The following PKHD1 variants were observed in gnomAD, a reference collection of about 807,000 sequenced individuals.
PKHD1 encodes the protein PKHD1 ciliary IPT domain containing fibrocystin/polyductin, also known as fibrocystin.
PKHD1 carries 291 observed loss-of-function variants against 412.0 expected under a neutral mutation model. That is an observed-to-expected ratio of 0.71 (90% CI 0.64 to 0.78). The LOEUF (loss-of-function observed/expected upper bound fraction) is 0.78. Among genes scored for constraint, PKHD1 ranks in the 30% least tolerant of loss-of-function variants. The pLI, the probability that PKHD1 is intolerant of heterozygous loss-of-function variation, is 0.00. For synonymous variants in PKHD1, 1,777 were observed against 1,821.5 expected, an observed-to-expected ratio of 0.98 and a Z score of 0.62; for missense variants, 4,825 against 4,950.7, an observed-to-expected ratio of 0.97 and a Z score of 0.76.
Position 52,025,112 on chromosome 6 carries a change from G to T in PKHD1, c.4698C>A (p.Ser1566=). The T allele has an allele frequency of 2.5e-6, 4 of 1,614,156 alleles. No homozygotes were observed. The highest frequency in any genetic ancestry group is 3.4e-6 in the Non-Finnish European group (4 of 1,180,010). Residue 1566 remains serine, a synonymous_variant, in exon 32 of 67, where the codon TCC becomes TCA. Coordinates refer to ENST00000371117, the MANE Select transcript of PKHD1 (RefSeq NM_138694.4). The part of the protein sequence containing the change: ...RNGYACSGNV[S]RHFYIMPQVF... Reference sequence around the variant, plus strand: ...CTTGGGGCATAATGTAGAAGTGTCTGGAAACATTACCAGAACAAGCATACC... The same window carrying T: ...CTTGGGGCATAATGTAGAAGTGTCTTGAAACATTACCAGAACAAGCATACC...
rs192922840 is a variant in PKHD1 at position 51,932,780 on chromosome 6, G to A, written c.6121+1330C>T. Among the ~76,000 whole-genome samples the A allele has an allele frequency of 1.3e-3, 198 of 152,282 alleles. 2 individuals are homozygous for A. The highest frequency in any genetic ancestry group is 4.6e-3 in the African/African-American group (190 of 41,558). On this transcript the variant is annotated intron_variant, in intron 37 of 66. Transcript: ENST00000371117. ...CACAAAATTTGATCCCCAGTGTCTA[G>A]CACACTGGGTAGCCCACAGTCAACA...
intron 49 of PKHD1, among the ~76,000 whole-genome samples, chr6:51,849,539 C>A (rs752245118): frequency 3.3e-5 from 5 of 152,196 alleles, no homozygotes; most frequent in Non-Finnish European, 5.9e-5. Context: ...TGTTTCTCCA[C>A]AGCCTCACCA....
chr6:51,895,899 G>C lies in PKHD1; in HGVS notation c.6996+7698C>G, dbSNP rs377018815. 3.9e-5 allele frequency among the ~76,000 whole-genome samples: 6 copies of C among 152,214 alleles called. No individual in the cohort carries two copies. In the South Asian group the frequency reaches 6.2e-4, roughly 16 times the overall value. ...AGTTCCCTTTCCTAGTCAAACAAAG[G>C]GGTGATGGACGGCACCTGGAAAATC... On this transcript the variant is annotated intron_variant, in intron 43 of 66. Transcript: ENST00000371117.
chr6:51,636,115 T>C (rs1019682166), intron 64 of PKHD1, among the ~76,000 whole-genome samples: 5 of 152,204 alleles, frequency 3.3e-5, no homozygotes, highest in South Asian at 2.1e-4. Flanking sequence ...CTGGATTTGA[T>C]AATATGTCAG....
intron 27 of PKHD1, among the ~76,000 whole-genome samples, chr6:52,037,352 G>A (rs1477018161): frequency 6.6e-6 from 1 of 151,822 alleles, no homozygotes; most frequent in Non-Finnish European, 1.5e-5. Context: ...TAGAAGTCCT[G>A]AAGCCATAAA....
chr6:51,616,569 G>A lies in PKHD1; in HGVS notation c.*2512C>T, dbSNP rs1766087439. The A allele has an allele frequency of 2.5e-6, 1 of 393,854 alleles. No homozygotes were observed. Among genetic ancestry groups the A allele is most frequent in the Non-Finnish European group, 4.5e-6 (1 of 223,850 alleles). The allele number at this position is 393,854 out of a possible 1,614,324, so 24.4% of individuals were successfully genotyped here. ...GGAGAAAGAGGAGTAGCTTAACTAT[G>A]GGTTGAGGAATTTTAGCTAGATGCC... On this transcript the variant is annotated 3_prime_UTR_variant, in exon 67 of 67. Transcript: ENST00000371117.
chr6:52,009,291 C>T (rs1258008535), intron 35 of PKHD1, among the ~76,000 whole-genome samples: 1 of 151,976 alleles, frequency 6.6e-6, no homozygotes, highest in Non-Finnish European at 1.5e-5. Flanking sequence ...AAGGTAGGCA[C>T]GGAACAGTTT....
chr6:51,940,759 G>A (rs543775391), intron 36 of PKHD1, among the ~76,000 whole-genome samples: 4 of 151,586 alleles, frequency 2.6e-5, no homozygotes, highest in African/African-American at 9.6e-5. Flanking sequence ...TCAATACGGA[G>A]GCTACCCACT....
At chr6:52,054,204 A>C in intron 19 of PKHD1, 39 bp from the exon 20 acceptor site, 1 of 1,608,216 alleles carries the variant, frequency 6.2e-7, no homozygotes, top group Non-Finnish European at 8.5e-7. Context: ...CTATTAGTGC[A>C]AGAAGCAGTC....
At chr6:51,724,300 GTCT>G (rs1782292283) in intron 60 of PKHD1, among the ~76,000 whole-genome samples, 1 of 152,038 alleles carries the variant, frequency 6.6e-6, no homozygotes, top group South Asian at 2.1e-4. Context: ...CAATTATCTA[GTCT>G]TTGAGACCAC....
chr6:51,725,914 G>C (rs1782518610), intron 60 of PKHD1, among the ~76,000 whole-genome samples: 2 of 152,152 alleles, frequency 1.3e-5, no homozygotes, highest in Non-Finnish European at 2.9e-5. Flanking sequence ...AAACCCAGGA[G>C]GCCATATTTT....
At chr6:51,795,659 T>G (rs764282278) in intron 52 of PKHD1, among the ~76,000 whole-genome samples, 1 of 152,222 alleles carries the variant, frequency 6.6e-6, no homozygotes, top group Non-Finnish European at 1.5e-5. Flanking sequence ...ATATTGGCTA[T>G]GAGTTTGTCA....
intron 53 of PKHD1, among the ~76,000 whole-genome samples, chr6:51,785,658 T>C (rs1342907121): frequency 6.6e-6 from 1 of 152,192 alleles, no homozygotes; most frequent in Non-Finnish European, 1.5e-5. Flanking sequence ...TGTTTCAAGA[T>C]ATTATTTTCC....
chr6:51,898,156 A>T lies in PKHD1; in HGVS notation c.6996+5441T>A, dbSNP rs139256884. On this transcript the variant is annotated intron_variant, in intron 43 of 66. Coordinates refer to ENST00000371117, the MANE Select transcript of PKHD1 (RefSeq NM_138694.4). ...CAGGAATTGAATTCAGCTCTGCACC[A>T]AGCGAACCTAATAGACATCTACAGA... is the stretch of plus-strand genomic sequence containing the variant. 2.6e-5 allele frequency among the ~76,000 whole-genome samples: 4 copies of T among 152,276 alleles called. No individual in the cohort carries two copies. The East Asian group carries it at 7.7e-4, about 29-fold the overall frequency.
chr6:51,718,580 G>C (rs1279536870), intron 60 of PKHD1, among the ~76,000 whole-genome samples: 2 of 152,126 alleles, frequency 1.3e-5, no homozygotes, highest in East Asian at 3.9e-4. Flanking sequence ...TTACTGATGA[G>C]ATCTGAAGTT....
At chr6:51,723,860 C>T (rs527491807) in intron 60 of PKHD1, among the ~76,000 whole-genome samples, 2 of 152,290 alleles carry the variant, frequency 1.3e-5, no homozygotes, top group South Asian at 2.1e-4. Context: ...CTTTGGCATA[C>T]TGAGCACTTT....
At chr6:51,874,812 C>T (rs1381228426) in intron 46 of PKHD1, among the ~76,000 whole-genome samples, 6 of 113,944 alleles carry the variant, frequency 5.3e-5, no homozygotes, top group Admixed American at 1.1e-4. Context: ...GCGTGAGCGA[C>T]GCAGAAGACG....
rs1785240656 is a variant in PKHD1 at position 51,746,749 on chromosome 6, T to C, written c.9970A>G (p.Lys3324Glu). The change falls in exon 59 of 67, where the codon AAG becomes GAG. Residue 3324 changes from lysine (K) to glutamate (E), a missense_variant. Coordinates refer to ENST00000371117, the MANE Select transcript of PKHD1 (RefSeq NM_138694.4). The part of the protein sequence containing the change: ...TRMLKIKDKN[K>E]FYFPSLQPRK... ...GGTTGTAATGAAGGAAAGTAGAACT[T>C]GTTTTTATCTTTTATCTTTAGCATC... 1 of 1,609,528 alleles carries C rather than the reference T, an allele frequency of 6.2e-7. No homozygotes were observed. Among genetic ancestry groups the C allele is most frequent in the Non-Finnish European group, 8.5e-7 (1 of 1,176,020 alleles).
chr6:51,630,498 TAA>T (rs1261420033), intron 65 of PKHD1, among the ~76,000 whole-genome samples: 2 of 152,212 alleles, frequency 1.3e-5, no homozygotes, highest in Non-Finnish European at 2.9e-5. Flanking sequence ...TATTTTAAAA[TAA>T]GTTAATGAAT....
Sources: gnomAD v4.1 joint callset for allele counts (sites outside exome capture counted in the v4.1 genomes callset) on GRCh38, gnomAD v4.1.1 for gene constraint, MANE v1.5 for transcripts, NCBI Gene and HGNC (gene_info 2026-07-23, HGNC 2026-07-21) for gene names.